Variants in ANKFN1 observed in about 807,000 individuals in gnomAD.
ANKFN1 encodes the protein ankyrin repeat and fibronectin type III domain containing 1, also known as ankyrin repeat and fibronectin type-III domain-containing protein 1.
A neutral mutation model predicts 108.7 loss-of-function variants in ANKFN1; 74 were observed. The observed-to-expected ratio is 0.68, with a 90% CI of 0.56 to 0.83. The LOEUF is 0.83. ANKFN1 is among the 40% of genes least tolerant of loss of function. The pLI is 0.00. For synonymous variants in ANKFN1, 547 were observed against 516.2 expected, an observed-to-expected ratio of 1.06 and a Z score of -0.81; for missense variants, 1,505 against 1,382.3, an observed-to-expected ratio of 1.09 and a Z score of -1.41.
rs181750859 is a variant in ANKFN1, at chr17:56,349,265, A to G, written c.189-1501A>G. On this transcript the variant is annotated intron_variant, in intron 4 of 20. Transcript: ENST00000682825. Reference sequence around the variant, plus strand: ...GGGAAGAGGGAGAGCATCAGGAAGAATAGCTAATGGATGCTGGGCTTAATA... The same window carrying G: ...GGGAAGAGGGAGAGCATCAGGAAGAGTAGCTAATGGATGCTGGGCTTAATA... 1.5e-3 allele frequency among the ~76,000 whole-genome samples: 231 copies of G among 152,274 alleles called. 3 individuals are homozygous for G. Among genetic ancestry groups the G allele is most frequent in the East Asian group, 2.5e-3 (13 of 5,182 alleles).
rs1387688028 is a variant in ANKFN1, at chr17:56,511,866, T to C, written c.*597T>C. Among the ~76,000 whole-genome samples the C allele has an allele frequency of 1.3e-5, 2 of 152,186 alleles. No individual in the cohort carries two copies. Among genetic ancestry groups the C allele is most frequent in the Non-Finnish European group, 2.9e-5 (2 of 68,040 alleles). On this transcript the variant is annotated 3_prime_UTR_variant, in exon 21 of 21. Coordinates refer to ENST00000682825, the MANE Select transcript of ANKFN1 (RefSeq NM_001370326.1). ...TATCCAATTTATCCATCAGTACTTATCTGATTAAATAGGCCTTGACAGGCC... is the reference window on the plus strand; with the variant it reads ...TATCCAATTTATCCATCAGTACTTACCTGATTAAATAGGCCTTGACAGGCC...
At chr17:56,148,437 T>A (rs184273667) in intron 4 of ANKFN1, among the ~76,000 whole-genome samples, 65 of 152,278 alleles carry the variant, frequency 4.3e-4, no homozygotes, top group Admixed American at 1.4e-3. Context: ...CACATTTGGG[T>A]TTGTTTGACC....
At chr17:56,230,327 C>T (rs954231193) in intron 3 of ANKFN1, among the ~76,000 whole-genome samples, 3 of 152,050 alleles carry the variant, frequency 2.0e-5, no homozygotes, top group African/African-American at 7.2e-5. Context: ...CTTAACCCTT[C>T]GGTTTCAAAG....
rs988628242 is a variant in ANKFN1 at position 56,515,024 on chromosome 17, C to T, written c.*3755C>T. 3.3e-5 allele frequency among the ~76,000 whole-genome samples: 5 copies of T among 151,972 alleles called. No homozygotes were observed. The highest frequency in any genetic ancestry group is 9.7e-5 in the African/African-American group (4 of 41,374). On this transcript the variant is annotated 3_prime_UTR_variant, in exon 21 of 21. Coordinates refer to ENST00000682825, the MANE Select transcript of ANKFN1 (RefSeq NM_001370326.1). ...TGCTTGGCCTCCTCTGGTTCTTCATCCTGCAACCAAGATGTACTTACCTTC... is the reference window on the plus strand; with the variant it reads ...TGCTTGGCCTCCTCTGGTTCTTCATTCTGCAACCAAGATGTACTTACCTTC...
intron 4 of ANKFN1, among the ~76,000 whole-genome samples, chr17:56,052,712 C>T (rs1366763873): frequency 1.3e-5 from 2 of 152,142 alleles, no homozygotes; most frequent in Non-Finnish European, 2.9e-5. Context: ...GTTCTAGCTA[C>T]ATTGTTTCAT....
chr17:56,398,488 T>C (rs1245125170), intron 8 of ANKFN1, among the ~76,000 whole-genome samples: 2 of 152,184 alleles, frequency 1.3e-5, no homozygotes, highest in African/African-American at 2.4e-5. Context: ...TTAAAACAAC[T>C]AGGTTAATTT....
chr17:56,139,572 C>T (rs996039812), intron 4 of ANKFN1, among the ~76,000 whole-genome samples: 5 of 152,040 alleles, frequency 3.3e-5, no homozygotes, highest in Non-Finnish European at 5.9e-5. Flanking sequence ...GCTCTGTTGC[C>T]GACAGACAGA....
intron 3 of ANKFN1, among the ~76,000 whole-genome samples, chr17:56,244,998 C>G (rs1377755532): frequency 3.9e-5 from 6 of 151,946 alleles, no homozygotes; most frequent in Non-Finnish European, 8.8e-5. Context: ...ATATATGAAC[C>G]ATACATTGCT....
intron 20 of ANKFN1, among the ~76,000 whole-genome samples, chr17:56,504,680 G>A (rs1184730273): frequency 6.6e-6 from 1 of 151,886 alleles, no homozygotes; most frequent in African/African-American, 2.4e-5. Context: ...TTATGAGGCA[G>A]AGATTTACTC....
At chr17:56,093,971 C>T (rs972666907) in intron 4 of ANKFN1, among the ~76,000 whole-genome samples, 1 of 151,332 alleles carries the variant, frequency 6.6e-6, no homozygotes, top group Non-Finnish European at 1.5e-5. Context: ...GGTAAGTCCT[C>T]ATCCATTATA....
chr17:56,428,678 G>T (rs2048655730), intron 8 of ANKFN1, among the ~76,000 whole-genome samples: 1 of 151,930 alleles, frequency 6.6e-6, no homozygotes, highest in African/African-American at 2.4e-5. Flanking sequence ...GGTCAGGCTG[G>T]TCTTGAACTC....
intron 3 of ANKFN1, among the ~76,000 whole-genome samples, chr17:56,315,500 C>T (rs987476493): frequency 5.3e-5 from 8 of 152,214 alleles, no homozygotes; most frequent in African/African-American, 1.9e-4. Flanking sequence ...CTGTTGCTGT[C>T]CTTTTAATCC....
intron 1 of ANKFN1, among the ~76,000 whole-genome samples, chr17:56,195,996 A>G (rs567320028): frequency 6.6e-6 from 1 of 152,318 alleles, no homozygotes; most frequent in South Asian, 2.1e-4. Context: ...AAAGCATTCA[A>G]AATGTGAAGT....
intron 11 of ANKFN1, among the ~76,000 whole-genome samples, chr17:56,449,524 A>G (rs975219317): frequency 2.6e-5 from 4 of 152,110 alleles, no homozygotes; most frequent in Non-Finnish European, 4.4e-5. Context: ...ACCCAAAAAC[A>G]TTTTGCCTCC....
At chr17:56,448,540 G>A (rs942243103) in intron 10 of ANKFN1, among the ~76,000 whole-genome samples, 1 of 152,208 alleles carries the variant, frequency 6.6e-6, no homozygotes, top group Admixed American at 6.5e-5. Flanking sequence ...ACATTCATTA[G>A]AGCAAAATGT....
intron 3 of ANKFN1, among the ~76,000 whole-genome samples, chr17:56,309,635 G>T (rs921759847): frequency 1.3e-5 from 2 of 151,998 alleles, no homozygotes; most frequent in South Asian, 4.2e-4. Context: ...ATCCACAGGG[G>T]ATACATCCCA....
chr17:56,339,707 T>G (rs58696172), intron 4 of ANKFN1, among the ~76,000 whole-genome samples: 75,753 of 151,956 alleles, frequency 0.5, 19,277 homozygotes, highest in Middle Eastern at 0.57. Context: ...AGTCTATCAT[T>G]GATGGACATT....
At chr17:56,073,964 A>G (rs1346514398) in intron 4 of ANKFN1, among the ~76,000 whole-genome samples, 1 of 152,170 alleles carries the variant, frequency 6.6e-6, no homozygotes, top group Non-Finnish European at 1.5e-5. Context: ...GCATTTGTGT[A>G]TAAAGATTTG....
Position 56,135,940 on chromosome 17 carries a change from AGAAAGGAG to A in ANKFN1, c.288+89620_288+89627del, listed in dbSNP as rs375769333. ...GATGTCAAAAATTATGTGAATGAGA[AGAAAGGAG>A]GAAATTCCACAGAGATTGTAGTGGA... is the stretch of plus-strand genomic sequence containing the variant. On this transcript the variant is annotated intron_variant, in intron 4 of 12. Transcript: ENST00000635860. Among the ~76,000 whole-genome samples the A allele has an allele frequency of 6.2e-4, 95 of 152,340 alleles. 1 individual carries two copies. Among genetic ancestry groups the A allele is most frequent in the African/African-American group, 2.0e-3 (83 of 41,582 alleles).
Sources: allele counts gnomAD v4.1 joint callset (sites outside exome capture counted in the v4.1 genomes callset), GRCh38; gene constraint gnomAD v4.1.1; transcripts MANE v1.5; gene names NCBI Gene and HGNC (gene_info 2026-07-23, HGNC 2026-07-21).